ARID3A: variants seen among roughly 807,000 people sequenced by gnomAD.
The protein encoded by ARID3A is AT-rich interaction domain 3A, also known as AT-rich interactive domain-containing protein 3A.
A neutral mutation model predicts 52.7 loss-of-function variants in ARID3A; 11 were observed. That is an observed-to-expected ratio of 0.21 (90% CI 0.13 to 0.35). The LOEUF is 0.35. ARID3A is among the 10% of genes least tolerant of loss of function. The probability of loss-of-function intolerance (pLI) is 1.00; values close to 1 mark genes in which losing one functional copy is unlikely to be tolerated. For missense variants in ARID3A, 721 were observed against 838.5 expected, an observed-to-expected ratio of 0.86 and a Z score of 1.73; for synonymous variants, 404 against 359.4, an observed-to-expected ratio of 1.12 and a Z score of -1.40.
At chr19:966,905 C>T (rs370064965) in intron 7 of ARID3A, 37 bp downstream of exon 7, 78 of 1,564,368 alleles carry the variant, frequency 5.0e-5, no homozygotes, top group Middle Eastern at 2.0e-4. Context: ...GTGCTTCCTG[C>T]GTGTGTCACA....
chr19:933,373 A>G (rs997272942), intron 3 of ARID3A, among the ~76,000 whole-genome samples: 1 of 152,090 alleles, frequency 6.6e-6, no homozygotes, highest in Non-Finnish European at 1.5e-5. Flanking sequence ...GCCAGGCCAG[A>G]GGAAGTGGCC....
intron 3 of ARID3A, among the ~76,000 whole-genome samples, chr19:948,490 C>T (rs1325954889): frequency 6.6e-6 from 1 of 152,188 alleles, no homozygotes; most frequent in Non-Finnish European, 1.5e-5. Context: ...GCCCCACCCC[C>T]ACCATGGGTA....
chr19:938,272 G>A lies in ARID3A; in HGVS notation c.693+5530G>A, dbSNP rs1305596822. ...GTAAAGCTTGCTGCCCATGTAACTT[G>A]CAGATGAGCTCAGAGGTGTAGGAAT... On this transcript the variant is annotated intron_variant, in intron 3 of 8. Transcript: ENST00000263620. The surrounding 1 kb of genome is among the most constrained non-coding windows in gnomAD (Gnocchi z 4.0). Among the ~76,000 whole-genome samples, 1 of 152,210 alleles carries A rather than the reference G, an allele frequency of 6.6e-6. No homozygotes were observed. The highest frequency in any genetic ancestry group is 6.5e-5 in the Admixed American group (1 of 15,280).
intron 3 of ARID3A, among the ~76,000 whole-genome samples, chr19:937,221 G>A (rs2037455940): frequency 1.3e-5 from 2 of 152,114 alleles, no homozygotes; most frequent in Admixed American, 6.6e-5. Flanking sequence ...CCGAGATCGC[G>A]CCACTGCACT....
intron 3 of ARID3A, among the ~76,000 whole-genome samples, chr19:949,200 G>A (rs1168648125): frequency 7.2e-6 from 1 of 139,354 alleles, no homozygotes; most frequent in Non-Finnish European, 1.5e-5. Flanking sequence ...GGCCCCAGGG[G>A]TGTGGGGAGG....
chr19:964,478 C>T lies in ARID3A; in HGVS notation c.950+47C>T. 1 of 1,524,010 alleles carries T rather than the reference C, an allele frequency of 6.6e-7. No homozygotes were observed. Among genetic ancestry groups the T allele is most frequent in the Non-Finnish European group, 8.8e-7 (1 of 1,131,520 alleles). The allele number at this position is 1,524,010 out of a possible 1,614,324, so 94.4% of individuals were successfully genotyped here. On this transcript the variant is annotated intron_variant, in intron 5 of 8. Transcript: ENST00000263620. The surrounding 1 kb of genome is among the most constrained non-coding windows in gnomAD (Gnocchi z 5.7). ...CGAGGTCGGGCCAGGGCACTCTGAGCAGCCAGTGCAAGGGGCCTGCAGAAG... is the reference window on the plus strand; with the variant it reads ...CGAGGTCGGGCCAGGGCACTCTGAGTAGCCAGTGCAAGGGGCCTGCAGAAG...
Position 929,388 on chromosome 19 carries a change from CTGCA to C in ARID3A, c.-140_-137del. 1.1e-6 allele frequency: 1 copy of C among 895,024 alleles called. No homozygotes were observed. The highest frequency in any genetic ancestry group is 1.4e-6 in the Non-Finnish European group (1 of 694,432). The allele number at this position is 895,024 out of a possible 1,614,324, so 55.4% of individuals were successfully genotyped here. A position where few individuals can be genotyped will look rare whatever the true frequency, so the allele number is the denominator to read the frequency against. On this transcript the variant is annotated 5_prime_UTR_variant, in exon 2 of 9. Transcript: ENST00000263620. This position sits in a 1 kb window ranked among gnomAD's most constrained non-coding sequence, Gnocchi z 6.2. The stretch of plus-strand genomic sequence containing the variant: ...GCCCCCGCCCCCGCCCCCTGCCACC[CTGCA>C]CTGCCCCGGCTCCCCCGCGGCCCCC...
chr19:964,321 G>A lies in ARID3A; in HGVS notation c.840G>A (p.Thr280=), dbSNP rs1284641380. 14 of 1,614,136 alleles carry A rather than the reference G, an allele frequency of 8.7e-6. No individual in the cohort carries two copies. Among genetic ancestry groups the A allele is most frequent in the African/African-American group, 2.7e-5 (2 of 75,044 alleles). Residue 280 remains threonine (T), a synonymous_variant, in exon 5 of 9, where the codon ACG becomes ACA. Transcript: ENST00000263620. This position sits in a 1 kb window ranked among gnomAD's most constrained non-coding sequence, Gnocchi z 5.7. ...TGTTCATGCTGTACGTGCTGGTGAC[G>A]GAGAAGGGCGGCCTCGTGGAGGTCA... ...LDLFMLYVLV[T]EKGGLVEVIN...
intron 3 of ARID3A, among the ~76,000 whole-genome samples, chr19:939,818 G>A (rs1229633076): frequency 1.3e-5 from 2 of 152,278 alleles, no homozygotes; most frequent in Admixed American, 6.5e-5. Flanking sequence ...TTCGGGGCGT[G>A]AGAGTTGCTT....
chr19:973,764 G>A lies in ARID3A; in HGVS notation c.*1699G>A, dbSNP rs375538798. The A allele has an allele frequency of 3.9e-5, 9 of 228,612 alleles. No homozygotes were observed. In the South Asian group the frequency reaches 1.5e-3, roughly 37 times the overall value. The allele number at this position is 228,612 out of a possible 1,614,324, so 14.2% of individuals were successfully genotyped here. Reference sequence around the variant, plus strand: ...TAAATCGAGGCCGAGAAGGGAGGCTGCCCCCCACCACCCTGTGGGTCAGTA... The same window carrying A: ...TAAATCGAGGCCGAGAAGGGAGGCTACCCCCCACCACCCTGTGGGTCAGTA... On this transcript the variant is annotated 3_prime_UTR_variant, in exon 9 of 9. Transcript: ENST00000263620.
rs562137907 is a variant in ARID3A at position 944,171 on chromosome 19, C to T, written c.693+11429C>T. Among the ~76,000 whole-genome samples the T allele has an allele frequency of 2.9e-4, 44 of 152,246 alleles. No homozygotes were observed. The highest frequency in any genetic ancestry group is 1.0e-3 in the African/African-American group (42 of 41,480). ...CACCTGCTGTATGCCAGCCTGCCTG[C>T]GTACTGGGGACACAGCCGTGCATGA... is the stretch of plus-strand genomic sequence containing the variant. On this transcript the variant is annotated intron_variant, in intron 3 of 8. Coordinates refer to ENST00000263620, the MANE Select transcript of ARID3A (RefSeq NM_005224.3). The surrounding 1 kb of genome is among the most constrained non-coding windows in gnomAD (Gnocchi z 5.9).
rs888483994 is a variant in ARID3A at position 959,749 on chromosome 19, C to T, written c.694-343C>T. 7.2e-5 allele frequency among the ~76,000 whole-genome samples: 11 copies of T among 152,176 alleles called. No individual in the cohort carries two copies. The South Asian group carries it at 1.7e-3, about 23-fold the overall frequency. Reference sequence around the variant, plus strand: ...AGACGGGGAGACGGTCTTGTGGAGACGGAGGCAGAGACTGGAGCGCTGCGG... The same window carrying T: ...AGACGGGGAGACGGTCTTGTGGAGATGGAGGCAGAGACTGGAGCGCTGCGG... On this transcript the variant is annotated intron_variant, in intron 3 of 8. Coordinates refer to ENST00000263620, the MANE Select transcript of ARID3A (RefSeq NM_005224.3). This position sits in a 1 kb window ranked among gnomAD's most constrained non-coding sequence, Gnocchi z 5.0.
intron 6 of ARID3A, 58 bp downstream of exon 6, chr19:965,138 T>C (rs1209889290): frequency 6.6e-7 from 1 of 1,520,074 alleles, no homozygotes; most frequent in African/African-American, 1.4e-5. Flanking sequence ...CCTGGCTGTC[T>C]GACCTTGGGG....
rs868806491 is a variant in ARID3A, at chr19:947,276, C to T, written c.694-12816C>T. On this transcript the variant is annotated intron_variant, in intron 3 of 8. Transcript: ENST00000263620. The surrounding 1 kb of genome is among the most constrained non-coding windows in gnomAD (Gnocchi z 6.3). ...AGGGGCTGCTTAAGGCCAGTGCCCT[C>T]GGCGGAGACTCTATTAGGGACTGCG... Among the ~76,000 whole-genome samples the T allele has an allele frequency of 3.3e-5, 5 of 152,156 alleles. No individual in the cohort carries two copies. The highest frequency in any genetic ancestry group is 9.7e-5 in the African/African-American group (4 of 41,422).
At chr19:932,981 G>A (rs73507557) in intron 3 of ARID3A, among the ~76,000 whole-genome samples, 5,125 of 152,256 alleles carry the variant, frequency 0.034, 283 homozygotes, top group African/African-American at 0.11. Flanking sequence ...GAAACCTGGG[G>A]GGCTCCACGG....
chr19:932,348 AGTGG>A, intron 2 of ARID3A, 66 bp from the exon 3 acceptor site: 1 of 1,560,026 alleles, frequency 6.4e-7, no homozygotes, highest in Non-Finnish European at 8.6e-7. Context: ...CTGGGCGGGG[AGTGG>A]GTCTTTCCTT....
chr19:930,799 A>G (rs62132342), intron 2 of ARID3A, among the ~76,000 whole-genome samples: 25,997 of 149,906 alleles, frequency 0.17, 2,487 homozygotes, highest in African/African-American at 0.25. Flanking sequence ...GTGAGCCACC[A>G]CACCCGGCCA....
intron 3 of ARID3A, among the ~76,000 whole-genome samples, chr19:958,834 G>A (rs530641245): frequency 2.9e-4 from 44 of 152,142 alleles, no homozygotes; most frequent in African/African-American, 9.4e-4. Flanking sequence ...CGGAGGTTGC[G>A]GTGAGCCGAG....
In ARID3A at chr19:929,633, C is replaced by T. The variant is rs2037274803; in HGVS notation, c.105C>T (p.Pro35=). Residue 35 remains proline (P), a synonymous_variant, in exon 2 of 9, where the codon CCC becomes CCT. Coordinates refer to ENST00000263620, the MANE Select transcript of ARID3A (RefSeq NM_005224.3). This position sits in a 1 kb window ranked among gnomAD's most constrained non-coding sequence, Gnocchi z 6.2. ...TGCCCCCCGATCCCCCTGCTGCACC[C>T]CCCGGCCGGGCCCGGGCTGCCCCCG... ...QQLPPDPPAA[P]PGRARAAPDE... is the part of the protein sequence containing the mutation. 3.9e-6 allele frequency: 6 copies of T among 1,528,180 alleles called. No individual in the cohort carries two copies. The highest frequency in any genetic ancestry group is 5.2e-6 in the Non-Finnish European group (6 of 1,143,856). 94.7% of individuals were successfully genotyped at this position (1,528,180 alleles called of 1,614,324 possible).
Sources: gnomAD v4.1 joint callset for allele counts (sites outside exome capture counted in the v4.1 genomes callset) on GRCh38, gnomAD v4.1.1 for gene constraint, Gnocchi (gnomAD v3.1) non-coding constraint, MANE v1.5 for transcripts, NCBI Gene and HGNC (gene_info 2026-07-23, HGNC 2026-07-21) for gene names.